CDH13: variants seen among roughly 807,000 people sequenced by gnomAD.
The protein encoded by CDH13 is cadherin-13.
CDH13 carries 24 observed loss-of-function variants against 63.8 expected under a neutral mutation model. The ratio of observed to expected loss-of-function variants is 0.38; its 90% confidence interval spans 0.27 to 0.53. The LOEUF (loss-of-function observed/expected upper bound fraction) is 0.53, where lower values mean the gene tolerates loss of function less well. Among genes scored for constraint, CDH13 ranks in the 20% least tolerant of loss-of-function variants. The probability of loss-of-function intolerance (pLI) is 0.85; values close to 1 mark genes in which losing one functional copy is unlikely to be tolerated. For missense variants in CDH13, 1,049 were observed against 903.1 expected (o/e 1.16, Z -2.07); for synonymous variants, 503 against 355.3 (o/e 1.42, Z -4.67).
chr16:83,265,074 C>A (rs1371954879), intron 5 of CDH13, among the ~76,000 whole-genome samples: 2 of 152,148 alleles, frequency 1.3e-5, no homozygotes, highest in Non-Finnish European at 2.9e-5. Flanking sequence ...GCCAAACATT[C>A]CAACAGAGCT....
At chr16:83,244,835 A>C (rs186076901) in intron 5 of CDH13, among the ~76,000 whole-genome samples, 1 of 152,218 alleles carries the variant, frequency 6.6e-6, no homozygotes, top group Non-Finnish European at 1.5e-5. Flanking sequence ...AGGGAAGCTC[A>C]TTAGAGACTT....
At chr16:83,760,596 A>G (rs1277305680) in intron 11 of CDH13, among the ~76,000 whole-genome samples, 1 of 152,256 alleles carries the variant, frequency 6.6e-6, no homozygotes, top group African/African-American at 2.4e-5. Context: ...AAGAACACAC[A>G]TGCTAAATGA....
intron 2 of CDH13, among the ~76,000 whole-genome samples, chr16:83,017,031 T>A (rs1914874546): frequency 6.6e-6 from 1 of 152,190 alleles, no homozygotes. Context: ...TCAAGAGTTA[T>A]TTGATAAAAG....
At chr16:83,520,115 A>G (rs910345235) in intron 7 of CDH13, among the ~76,000 whole-genome samples, 4 of 152,144 alleles carry the variant, frequency 2.6e-5, no homozygotes, top group Admixed American at 6.6e-5. Context: ...GAGTCTTGCA[A>G]TGTTTTTCAA....
rs545295003 is a variant in CDH13, at chr16:82,974,183, C to A, written c.158-57827C>A. ...TGAACTCCTGACCTCAAGTGATGCT[C>A]CCACCTCGGCCTCACAAAGTGCTAG... On this transcript the variant is annotated intron_variant, in intron 2 of 13. Coordinates refer to ENST00000567109, the MANE Select transcript of CDH13 (RefSeq NM_001257.5). Among the ~76,000 whole-genome samples, 7 of 152,296 alleles carry A rather than the reference C, an allele frequency of 4.6e-5. No individual in the cohort carries two copies. The East Asian group carries it at 1.4e-3, about 29-fold the overall frequency.
In CDH13 at chr16:83,737,133, G is replaced by C. The variant is rs529550856; in HGVS notation, c.1539-10975G>C. ...TTCATGCTGACCATGCCCACAATCA[G>C]TGGCACCTAGCTGTGGCCCCACCCC... On this transcript the variant is annotated intron_variant, in intron 10 of 13. Coordinates refer to ENST00000567109, the MANE Select transcript of CDH13 (RefSeq NM_001257.5). Among the ~76,000 whole-genome samples the C allele has an allele frequency of 1.6e-4, 25 of 152,316 alleles. No individual in the cohort carries two copies. The East Asian group carries it at 4.8e-3, about 29-fold the overall frequency.
intron 2 of CDH13, among the ~76,000 whole-genome samples, chr16:82,962,244 T>C (rs1907129988): frequency 6.6e-6 from 1 of 152,164 alleles, no homozygotes; most frequent in African/African-American, 2.4e-5. Flanking sequence ...GAGGGTGATA[T>C]AACCATAGAG....
intron 1 of CDH13, among the ~76,000 whole-genome samples, chr16:82,664,585 G>T (rs1280054576): frequency 6.6e-6 from 1 of 152,218 alleles, no homozygotes; most frequent in African/African-American, 2.4e-5. Flanking sequence ...TACATTTGAT[G>T]ACTGGGAGAA....
At chr16:83,789,481 G>C (rs969797001) in intron 13 of CDH13, among the ~76,000 whole-genome samples, 7 of 151,900 alleles carry the variant, frequency 4.6e-5, no homozygotes, top group African/African-American at 1.7e-4. Flanking sequence ...GAAGTAGCTG[G>C]GATTACAGGC....
At chr16:83,583,574 G>T (rs1003755373) in intron 7 of CDH13, among the ~76,000 whole-genome samples, 1 of 152,186 alleles carries the variant, frequency 6.6e-6, no homozygotes, top group African/African-American at 2.4e-5. Context: ...TAGTGATGGA[G>T]GGAAGGTAAG....
intron 2 of CDH13, among the ~76,000 whole-genome samples, chr16:83,031,403 T>C (rs74984566): frequency 0.012 from 1,734 of 146,266 alleles, 71 homozygotes; most frequent in African/African-American, 0.044. Flanking sequence ...TACATATACA[T>C]GTATATGTAT....
At chr16:83,274,829 G>C (rs2088935205) in intron 5 of CDH13, among the ~76,000 whole-genome samples, 1 of 152,126 alleles carries the variant, frequency 6.6e-6, no homozygotes, top group African/African-American at 2.4e-5. Context: ...AAATGTATAA[G>C]CAAGCTCCCA....
At chr16:83,106,943 C>T (rs2034795513) in intron 3 of CDH13, among the ~76,000 whole-genome samples, 1 of 151,918 alleles carries the variant, frequency 6.6e-6, no homozygotes, top group Non-Finnish European at 1.5e-5. Flanking sequence ...ATGAGCCCAA[C>T]ATATAGTGCA....
intron 5 of CDH13, among the ~76,000 whole-genome samples, chr16:83,336,098 C>T (rs751556489): frequency 3.3e-5 from 5 of 151,816 alleles, no homozygotes; most frequent in African/African-American, 7.3e-5. Flanking sequence ...GTCAGGAGTT[C>T]GAGACCCGCC....
chr16:83,207,286 A>T (rs1352642548), intron 4 of CDH13, among the ~76,000 whole-genome samples: 1 of 152,186 alleles, frequency 6.6e-6, no homozygotes, highest in African/African-American at 2.4e-5. Flanking sequence ...TTCTGTCTCT[A>T]TTAATGTTAC....
In CDH13 at chr16:82,644,911, AT is replaced by A. The variant is rs1909905184; in HGVS notation, c.45+17776del. ...TTAATATGGGTTCTGGGGAAAAAAAATTAGGGGAATCAAAAAATTACTTGTA... is the reference window on the plus strand; with the variant it reads ...TTAATATGGGTTCTGGGGAAAAAAAATAGGGGAATCAAAAAATTACTTGTA... On this transcript the variant is annotated intron_variant, in intron 1 of 13. Transcript: ENST00000567109. The surrounding 1 kb of genome is among the most constrained non-coding windows in gnomAD (Gnocchi z 5.7). 6.6e-6 allele frequency among the ~76,000 whole-genome samples: 1 copy of A among 152,188 alleles called. No individual in the cohort carries two copies. The highest frequency in any genetic ancestry group is 2.4e-5 in the African/African-American group (1 of 41,456).
chr16:83,371,889 A>G (rs980972744), intron 6 of CDH13, among the ~76,000 whole-genome samples: 1 of 152,224 alleles, frequency 6.6e-6, no homozygotes, highest in Non-Finnish European at 1.5e-5. Flanking sequence ...TTAAAGGAAC[A>G]AGAACATTGT....
At chr16:83,361,076 T>C (rs2091152851) in intron 6 of CDH13, among the ~76,000 whole-genome samples, 1 of 152,208 alleles carries the variant, frequency 6.6e-6, no homozygotes, top group Non-Finnish European at 1.5e-5. Flanking sequence ...CTTTCCCTTT[T>C]CTCCACAGCC....
intron 6 of CDH13, among the ~76,000 whole-genome samples, chr16:83,458,021 C>T (rs535999530): frequency 1.3e-5 from 2 of 152,190 alleles, no homozygotes; most frequent in Non-Finnish European, 2.9e-5. Context: ...CTCTGGGTCT[C>T]TTAAGATGGC....
Sources: gnomAD v4.1 joint callset for allele counts (sites outside exome capture counted in the v4.1 genomes callset) on GRCh38, gnomAD v4.1.1 for gene constraint, Gnocchi (gnomAD v3.1) non-coding constraint, MANE v1.5 for transcripts, NCBI Gene and HGNC (gene_info 2026-07-23, HGNC 2026-07-21) for gene names.